SEL1L3: variants seen among roughly 807,000 people sequenced by gnomAD.
The protein encoded by SEL1L3 is protein sel-1 homolog 3.
In SEL1L3, 76 loss-of-function variants were observed where a neutral mutation model predicts 142.8. That is an observed-to-expected ratio of 0.53 (90% CI 0.44 to 0.64). SEL1L3 has a LOEUF of 0.64. Among genes scored for constraint, SEL1L3 ranks in the 30% least tolerant of loss-of-function variants. SEL1L3 has a pLI of 0.00. For missense variants in SEL1L3, 1,262 were observed against 1,381.7 expected, an observed-to-expected ratio of 0.91 and a Z score of 1.37; for synonymous variants, 504 against 519.6, an observed-to-expected ratio of 0.97 and a Z score of 0.41.
chr4:25,720,023 G>C, the SEL1L3 span: 1 of 152,164 alleles, frequency 6.6e-6, no homozygotes, highest in African/African-American at 2.4e-5. Context: ...AATGTAAATA[G>C]AGGGCATTTG....
chr4:25,848,787 G>A (rs148022820), intron 1 of SEL1L3, among the ~76,000 whole-genome samples: 171 of 152,284 alleles, frequency 1.1e-3, no homozygotes, highest in East Asian at 6.2e-3. Context: ...AATGTAAAAT[G>A]GTGTGGCTAC....
rs1024810686 is a variant in SEL1L3 at position 25,802,579 on chromosome 4, T to C, written c.1777-117A>G. On this transcript the variant is annotated intron_variant, in intron 10 of 23. Coordinates refer to ENST00000399878, the MANE Select transcript of SEL1L3 (RefSeq NM_015187.5). ...TACAATCCTAGCCATTCCAGAAATA[T>C]GTTAACTTGCCTTTTTTTTTGAGAC... is the stretch of plus-strand genomic sequence containing the variant. 1.6e-5 allele frequency: 14 copies of C among 875,864 alleles called. 1 individual carries two copies. In the South Asian group the frequency reaches 1.7e-4, roughly 11 times the overall value. The allele number at this position is 875,864 out of a possible 1,614,324, so 54.3% of individuals were successfully genotyped here. A position where few individuals can be genotyped will look rare whatever the true frequency, so the allele number is the denominator to read the frequency against.
At chr4:25,771,385 C>A (rs1156974279) in intron 17 of SEL1L3, among the ~76,000 whole-genome samples, 2 of 152,186 alleles carry the variant, frequency 1.3e-5, no homozygotes, top group African/African-American at 4.8e-5. Context: ...CATTTGCTAT[C>A]CTCCTTTCAG....
At chr4:25,814,746 G>A (rs994296087) in intron 9 of SEL1L3, among the ~76,000 whole-genome samples, 3 of 152,076 alleles carry the variant, frequency 2.0e-5, no homozygotes, top group African/African-American at 7.3e-5. Flanking sequence ...GAGTAAAGAC[G>A]TGTTGGAAAT....
intron 10 of SEL1L3, 100 bp downstream of exon 10, chr4:25,804,441 A>C: frequency 1.2e-6 from 1 of 848,958 alleles, no homozygotes; most frequent in Non-Finnish European, 1.9e-6. Context: ...AAAGGTCTCC[A>C]AGGAGCTGCA....
chr4:25,815,924 G>A (rs1294736717), intron 9 of SEL1L3, among the ~76,000 whole-genome samples: 7 of 150,566 alleles, frequency 4.6e-5, no homozygotes, highest in South Asian at 2.1e-4. Context: ...TAAACATCCC[G>A]TAACACACAG....
At chr4:25,744,296 C>A (rs961178974), downstream of SEL1L3, among the ~76,000 whole-genome samples, 1 of 150,042 alleles carries the variant, frequency 6.7e-6, no homozygotes, top group Non-Finnish European at 1.5e-5. Context: ...GAAGATAGGG[C>A]CTTTTAAGAG....
chr4:25,847,958 A>G (rs922657467), intron 1 of SEL1L3, 94 bp from the exon 2 acceptor site: 9 of 790,720 alleles, frequency 1.1e-5, no homozygotes, highest in Non-Finnish European at 1.8e-5. Flanking sequence ...GGATAAAAAA[A>G]TATCAATCTA....
At chr4:25,793,634 G>A (rs1378629170) in intron 11 of SEL1L3, among the ~76,000 whole-genome samples, 1 of 152,038 alleles carries the variant, frequency 6.6e-6, no homozygotes, top group Non-Finnish European at 1.5e-5. Flanking sequence ...CATATCAGAT[G>A]GAGGGGATCT....
chr4:25,788,142 T>C lies in SEL1L3; in HGVS notation c.2217+82A>G, dbSNP rs896149213. The C allele has an allele frequency of 1.3e-5, 19 of 1,436,930 alleles. No individual in the cohort carries two copies. The African/African-American group carries it at 2.2e-4, about 17-fold the overall frequency. The allele number at this position is 1,436,930 out of a possible 1,614,324, so 89.0% of individuals were successfully genotyped here. ...TAAATTTCTTCAGTTATCGACTCCCTGTTTGCCAGCCCGCCCACAGGAAAC... is the reference window on the plus strand; with the variant it reads ...TAAATTTCTTCAGTTATCGACTCCCCGTTTGCCAGCCCGCCCACAGGAAAC... On this transcript the variant is annotated intron_variant, in intron 13 of 23. Transcript: ENST00000399878. The surrounding 1 kb of genome is among the most constrained non-coding windows in gnomAD (Gnocchi z 5.3).
chr4:25,781,318 G>A (rs1388961465), intron 15 of SEL1L3, among the ~76,000 whole-genome samples: 1 of 152,038 alleles, frequency 6.6e-6, no homozygotes, highest in East Asian at 1.9e-4. Context: ...GCACTGGGTG[G>A]GTATTCACCA....
At chr4:25,815,071 G>T (rs1323925276) in intron 9 of SEL1L3, among the ~76,000 whole-genome samples, 2 of 152,184 alleles carry the variant, frequency 1.3e-5, no homozygotes, top group Non-Finnish European at 2.9e-5. Flanking sequence ...CATCTCCTAG[G>T]CCAGGGAAAG....
Position 25,847,826 on chromosome 4 carries a change from C to T in SEL1L3, c.201G>A (p.Thr67=), listed in dbSNP as rs747556815. The part of the protein sequence containing the change: ...VPSLGRQTSL[T]TSVIPKAEQS... ...GCTCAGCTTTGGGTATCACTGATGT[C>T]GTCAGGGAAGTCTGCCTACCCAAAG... Residue 67 remains threonine (T), a synonymous_variant, in exon 2 of 24, where the codon ACG becomes ACA. Coordinates refer to ENST00000399878, the MANE Select transcript of SEL1L3 (RefSeq NM_015187.5). 13 of 1,591,670 alleles carry T rather than the reference C, an allele frequency of 8.2e-6. No individual in the cohort carries two copies. In the East Asian group the frequency reaches 9.0e-5, roughly 11 times the overall value.
chr4:25,745,394 C>CA (rs111275488), downstream of SEL1L3, among the ~76,000 whole-genome samples: 3,281 of 115,522 alleles, frequency 0.028, 75 homozygotes, highest in African/African-American at 0.071. Flanking sequence ...GACTCAGTCT[C>CA]AAAAAAAAAA....
At chr4:25,751,790 C>T (rs1717608862) in intron 23 of SEL1L3, among the ~76,000 whole-genome samples, 1 of 151,654 alleles carries the variant, frequency 6.6e-6, no homozygotes, top group Non-Finnish European at 1.5e-5. Flanking sequence ...ATTGATCAGT[C>T]AATGTTTTTG....
chr4:25,793,391 C>T (rs1009073334), intron 11 of SEL1L3, among the ~76,000 whole-genome samples: 2 of 152,130 alleles, frequency 1.3e-5, no homozygotes, highest in Non-Finnish European at 2.9e-5. Flanking sequence ...TCAAGTGATC[C>T]TCCCACTTCA....
the SEL1L3 span, among the ~76,000 whole-genome samples, chr4:25,726,548 C>CA: frequency 2.1e-5 from 3 of 144,826 alleles, no homozygotes; most frequent in African/African-American, 5.1e-5. Context: ...AAAAAAAACC[C>CA]AAAAAAAAAC....
At chr4:25,747,078 G>GCAAATAGGAGGGACAA (rs1281161844), downstream of SEL1L3, among the ~76,000 whole-genome samples, 6 of 152,006 alleles carry the variant, frequency 3.9e-5, no homozygotes, top group African/African-American at 1.4e-4. Flanking sequence ...TGGCTTTTTT[G>GCAAATAGGAGGGACAA]CAAATAGGAG....
chr4:25,752,228 C>A (rs909374887), intron 23 of SEL1L3, among the ~76,000 whole-genome samples: 1 of 151,454 alleles, frequency 6.6e-6, no homozygotes, highest in Non-Finnish European at 1.5e-5. Flanking sequence ...ACCAGCACAG[C>A]CAACATGGTG....
Sources: gnomAD v4.1 joint callset for allele counts (sites outside exome capture counted in the v4.1 genomes callset) on GRCh38, gnomAD v4.1.1 for gene constraint, Gnocchi (gnomAD v3.1) non-coding constraint, MANE v1.5 for transcripts, NCBI Gene and HGNC (gene_info 2026-07-23, HGNC 2026-07-21) for gene names.